ACBD6: variants seen among roughly 807,000 people sequenced by gnomAD.
ACBD6 encodes acyl-CoA-binding domain-containing protein 6.
Under a neutral mutation model 37.2 loss-of-function variants are expected in ACBD6, and 28 were observed. The observed-to-expected ratio is 0.75, with a 90% CI of 0.56 to 1.03. ACBD6 has a LOEUF of 1.03. ACBD6 is among the 50% of genes least tolerant of loss of function. The pLI is 0.00. For synonymous variants in ACBD6, 113 were observed against 126.8 expected, an observed-to-expected ratio of 0.89 and a Z score of 0.73; for missense variants, 340 against 337.4, an observed-to-expected ratio of 1.01 and a Z score of -0.06.
chr1:180,442,252 G>A (rs575241436), intron 3 of ACBD6, among the ~76,000 whole-genome samples: 1 of 151,042 alleles, frequency 6.6e-6, no homozygotes, highest in Non-Finnish European at 1.5e-5. Flanking sequence ...TGAGCTTCTT[G>A]GATCTATGGG....
intron 6 of ACBD6, among the ~76,000 whole-genome samples, chr1:180,366,286 A>ACCAT (rs1653051857): frequency 6.6e-6 from 1 of 152,200 alleles, no homozygotes; most frequent in Non-Finnish European, 1.5e-5. Context: ...TTCTGAGGGT[A>ACCAT]CCATCAACTT....
intron 6 of ACBD6, among the ~76,000 whole-genome samples, chr1:180,350,021 C>A (rs1247425769): frequency 1.5e-5 from 1 of 65,646 alleles, no homozygotes; most frequent in African/African-American, 4.0e-5. Flanking sequence ...TCTCCAGTGA[C>A]CCTTTTTTTT....
downstream of ACBD6, among the ~76,000 whole-genome samples, chr1:180,286,708 GATTA>G (rs150536809): frequency 3.7e-3 from 569 of 152,276 alleles, 1 homozygote; most frequent in Non-Finnish European, 6.4e-3. Context: ...CACTTCCACA[GATTA>G]ATTAAATTAT....
At chr1:180,391,761 A>T (rs1425759948) in intron 6 of ACBD6, among the ~76,000 whole-genome samples, 1 of 152,120 alleles carries the variant, frequency 6.6e-6, no homozygotes, top group Non-Finnish European at 1.5e-5. Context: ...CAAAAGGTTA[A>T]ACATAGAGCT....
chr1:180,310,081 T>C (rs1223529474), intron 7 of ACBD6, among the ~76,000 whole-genome samples: 1 of 152,186 alleles, frequency 6.6e-6, no homozygotes, highest in Non-Finnish European at 1.5e-5. Flanking sequence ...TCTTTGAGTT[T>C]TGGTTTCCTC....
chr1:180,457,368 T>C (rs1233462699), intron 3 of ACBD6, among the ~76,000 whole-genome samples: 1 of 152,252 alleles, frequency 6.6e-6, no homozygotes, highest in South Asian at 2.1e-4. Flanking sequence ...GCTGGTAGGC[T>C]GAACTGTTCT....
chr1:180,341,803 T>C (rs1300103739), intron 6 of ACBD6, among the ~76,000 whole-genome samples: 1 of 152,176 alleles, frequency 6.6e-6, no homozygotes, highest in African/African-American at 2.4e-5. Flanking sequence ...TTATGCTCTC[T>C]GTGGTCATGG....
intron 3 of ACBD6, chr1:180,435,256 AT>A (rs913558276): frequency 7.9e-3 from 4,252 of 540,234 alleles, no homozygotes; most frequent in South Asian, 0.013. Flanking sequence ...TACCAGATGC[AT>A]TTTTTTTTTG....
chr1:180,446,595 C>A (rs1240377646), intron 3 of ACBD6, among the ~76,000 whole-genome samples: 2 of 152,016 alleles, frequency 1.3e-5, no homozygotes, highest in Admixed American at 1.3e-4. Flanking sequence ...GAAAACTTTA[C>A]CATGAAAATA....
chr1:180,373,269 G>C (rs1017001856), intron 6 of ACBD6, among the ~76,000 whole-genome samples: 2 of 151,908 alleles, frequency 1.3e-5, no homozygotes, highest in South Asian at 4.1e-4. Flanking sequence ...TTCCAAACAT[G>C]TTCTTTGAAT....
intron 4 of ACBD6, among the ~76,000 whole-genome samples, chr1:180,413,726 G>C (rs554826784): frequency 1.4e-4 from 22 of 152,114 alleles, no homozygotes; most frequent in Middle Eastern, 3.4e-3. Context: ...ATATGAAAGT[G>C]ATTTTCTTAA....
At chr1:180,413,798 A>G (rs555196298) in intron 4 of ACBD6, among the ~76,000 whole-genome samples, 2 of 152,204 alleles carry the variant, frequency 1.3e-5, no homozygotes, top group Non-Finnish European at 2.9e-5. Context: ...ATCCTTTATA[A>G]GATAGTAGAA....
At chr1:180,279,205 T>C (rs919282024) in intron 9 of ACBD6, among the ~76,000 whole-genome samples, 2 of 152,212 alleles carry the variant, frequency 1.3e-5, no homozygotes, top group Admixed American at 1.3e-4. Context: ...CTAATAGTCA[T>C]TTCCTGGGCA....
chr1:180,306,214 G>A (rs778399616), intron 7 of ACBD6, among the ~76,000 whole-genome samples: 45 of 151,560 alleles, frequency 3.0e-4, no homozygotes, highest in African/African-American at 6.1e-4. Context: ...TAAACTGCAC[G>A]TTGTGCACAT....
chr1:180,353,761 A>G (rs1652509288), intron 6 of ACBD6, among the ~76,000 whole-genome samples: 1 of 148,464 alleles, frequency 6.7e-6, no homozygotes, highest in South Asian at 2.1e-4. Context: ...AAAAAATTCA[A>G]TGACATAAAA....
chr1:180,404,200 C>T (rs994116956), intron 5 of ACBD6, among the ~76,000 whole-genome samples: 1 of 152,118 alleles, frequency 6.6e-6, no homozygotes, highest in African/African-American at 2.4e-5. Flanking sequence ...ATCTGCCCAC[C>T]TCAGCCTCCC....
intron 6 of ACBD6, among the ~76,000 whole-genome samples, chr1:180,325,002 T>C (rs533893457): frequency 1.5e-4 from 23 of 152,300 alleles, no homozygotes; most frequent in African/African-American, 5.5e-4. Context: ...ATGTTGTTTC[T>C]TTTTTTCTTG....
intron 5 of ACBD6, among the ~76,000 whole-genome samples, chr1:180,408,685 A>T (rs906395400): frequency 2.6e-5 from 4 of 152,108 alleles, no homozygotes; most frequent in Non-Finnish European, 4.4e-5. Flanking sequence ...AAAATAAAAT[A>T]AAAAAGTTGT....
chr1:180,336,474 G>A (rs572923090), intron 6 of ACBD6, among the ~76,000 whole-genome samples: 1 of 150,780 alleles, frequency 6.6e-6, no homozygotes, highest in African/African-American at 2.5e-5. Context: ...TGAGAACAAA[G>A]ACACAACATA....
Sources: gnomAD v4.1 joint callset for allele counts (sites outside exome capture counted in the v4.1 genomes callset) on GRCh38, gnomAD v4.1.1 for gene constraint, MANE v1.5 for transcripts, NCBI Gene and HGNC (gene_info 2026-07-23, HGNC 2026-07-21) for gene names.